Variants in TMEM108 observed in about 807,000 individuals in gnomAD.
TMEM108 encodes cancer/testis antigen 124.
In TMEM108, 12 loss-of-function variants were observed where a neutral mutation model predicts 35.1. That is an observed-to-expected ratio of 0.34 (90% CI 0.22 to 0.55). The LOEUF is 0.55. Ranked by LOEUF, TMEM108 falls within the 20% of genes least tolerant of loss-of-function variation. TMEM108 has a pLI of 0.89. For synonymous variants in TMEM108, 287 were observed against 308.6 expected, an observed-to-expected ratio of 0.93 and a Z score of 0.73; for missense variants, 680 against 753.3, an observed-to-expected ratio of 0.90 and a Z score of 1.14.
intron 2 of TMEM108, among the ~76,000 whole-genome samples, chr3:133,105,921 G>C (rs780861958): frequency 1.6e-4 from 25 of 152,284 alleles, no homozygotes; most frequent in Non-Finnish European, 2.8e-4. Flanking sequence ...AGGTCTCCCG[G>C]TCTCTTAGGG....
At chr3:133,073,944 C>T (rs1483887530) in intron 2 of TMEM108, among the ~76,000 whole-genome samples, 1 of 151,824 alleles carries the variant, frequency 6.6e-6, no homozygotes. Flanking sequence ...AAAATATGGT[C>T]ATTTGTATGT....
intron 3 of TMEM108, among the ~76,000 whole-genome samples, chr3:133,289,879 TC>T (rs1947038202): frequency 6.6e-6 from 1 of 152,164 alleles, no homozygotes; most frequent in African/African-American, 2.4e-5. Context: ...ACATGGACCA[TC>T]CAAGTATTTG....
In TMEM108 at chr3:133,380,703, A is replaced by G. The variant is rs2072986066; in HGVS notation, c.992A>G (p.His331Arg). Residue 331 changes from histidine to arginine, a missense_variant, in exon 4 of 6, where the codon CAT becomes CGT. Around this residue, in one of 3 missense-constraint regions of TMEM108, gnomAD observed 526 missense variants for 532.1 expected, o/e 0.99. Coordinates refer to ENST00000321871, the MANE Select transcript of TMEM108 (RefSeq NM_023943.4). This position sits in a 1 kb window ranked among gnomAD's most constrained non-coding sequence, Gnocchi z 5.3. ...GGTGACCCACAGGATGGCCCCAGCC[A>G]TAGTGACTCTTGGCTTACTGTTACC... ...HHGDPQDGPSHSDSWLTVTPG... is the reference protein window; with the variant it reads ...HHGDPQDGPSRSDSWLTVTPG... 1 of 1,614,174 alleles carries G rather than the reference A, an allele frequency of 6.2e-7. No homozygotes were observed. The highest frequency in any genetic ancestry group is 2.2e-5 in the East Asian group (1 of 44,884).
Position 133,385,527 on chromosome 3 carries a change from A to G in TMEM108, c.1450+4366A>G, listed in dbSNP as rs1371367242. On this transcript the variant is annotated intron_variant, in intron 4 of 5. Transcript: ENST00000321871. ...AGGCCTCCCTGTGACCTCCTCCCTC[A>G]GCCTCCAAAGGAGGGAAATGGCTGT... 3.3e-5 allele frequency among the ~76,000 whole-genome samples: 5 copies of G among 152,296 alleles called. 1 individual carries two copies. The highest frequency in any genetic ancestry group is 1.2e-4 in the African/African-American group (5 of 41,560).
At chr3:133,040,625 G>A (rs1044790582) in intron 1 of TMEM108, among the ~76,000 whole-genome samples, 4 of 152,078 alleles carry the variant, frequency 2.6e-5, no homozygotes, top group Non-Finnish European at 5.9e-5. Context: ...TCCATAAACC[G>A]CAAAGGGTAT....
intron 3 of TMEM108, among the ~76,000 whole-genome samples, chr3:133,260,063 C>G (rs969834868): frequency 2.6e-5 from 4 of 152,210 alleles, no homozygotes; most frequent in Admixed American, 2.6e-4. Flanking sequence ...ACCAGTTCAT[C>G]TGCACCTTGA....
intron 2 of TMEM108, among the ~76,000 whole-genome samples, chr3:133,186,460 G>A (rs1010575073): frequency 6.6e-6 from 1 of 152,152 alleles, no homozygotes; most frequent in Admixed American, 6.5e-5. Flanking sequence ...ATGTAAACTG[G>A]TTTTAAAAGG....
chr3:133,362,293 G>A (rs973324145), intron 3 of TMEM108, among the ~76,000 whole-genome samples: 1 of 152,162 alleles, frequency 6.6e-6, no homozygotes, highest in African/African-American at 2.4e-5. Flanking sequence ...GGTTGTGGGT[G>A]GGGTGAAAAA....
At position 133,342,544 on chromosome 3, in the gene TMEM108, G is replaced by GATATATATATATA. The variant is rs2071688329; in HGVS notation, c.41-37208_41-37207insATATATATATATA. ...TAAAAAAGTTAAAAAAGAAAATGTG[G>GATATATATATATA]TATATATATATACACACACACACAC... On this transcript the variant is annotated intron_variant, in intron 3 of 5. Coordinates refer to ENST00000321871, the MANE Select transcript of TMEM108 (RefSeq NM_023943.4). 6.9e-4 allele frequency among the ~76,000 whole-genome samples: 32 copies of GATATATATATATA among 46,660 alleles called. 1 individual carries two copies. The highest frequency in any genetic ancestry group is 2.8e-3 in the African/African-American group (31 of 10,942). The allele number at this position is 46,660 out of a possible 152,430, so 30.6% of individuals were successfully genotyped here. A position where few individuals can be genotyped will look rare whatever the true frequency, so the allele number is the denominator to read the frequency against.
intron 3 of TMEM108, among the ~76,000 whole-genome samples, chr3:133,357,331 A>G (rs1305129976): frequency 6.6e-6 from 1 of 152,150 alleles, no homozygotes; most frequent in Admixed American, 6.5e-5. Flanking sequence ...TGTTGGTGGA[A>G]ATGTAAATTA....
At chr3:133,173,468 C>T (rs921178762) in intron 2 of TMEM108, among the ~76,000 whole-genome samples, 1 of 152,192 alleles carries the variant, frequency 6.6e-6, no homozygotes, top group Admixed American at 6.5e-5. Context: ...ACTGGGCACA[C>T]TAGCTGTTAA....
At chr3:133,265,442 A>C (rs1215053798) in intron 3 of TMEM108, among the ~76,000 whole-genome samples, 1 of 152,340 alleles carries the variant, frequency 6.6e-6, no homozygotes, top group East Asian at 1.9e-4. Context: ...TAGCACTTGC[A>C]GATAAAATAT....
chr3:133,078,686 A>G (rs1477639828), intron 2 of TMEM108, among the ~76,000 whole-genome samples: 1 of 152,226 alleles, frequency 6.6e-6, no homozygotes, highest in Non-Finnish European at 1.5e-5. Flanking sequence ...TAACTGGAGG[A>G]GTTTTAAGCT....
intron 4 of TMEM108, among the ~76,000 whole-genome samples, chr3:133,383,350 G>A (rs1378490176): frequency 6.6e-6 from 1 of 152,178 alleles, no homozygotes; most frequent in Non-Finnish European, 1.5e-5. Context: ...GAGTCACCAG[G>A]TGAAGTGATT....
chr3:133,250,094 A>G (rs1946446628), intron 3 of TMEM108, among the ~76,000 whole-genome samples: 1 of 152,186 alleles, frequency 6.6e-6, no homozygotes, highest in Admixed American at 6.5e-5. Flanking sequence ...GTGTCAGTAG[A>G]GTAACATCAA....
intron 2 of TMEM108, among the ~76,000 whole-genome samples, chr3:133,075,958 G>A (rs1943737712): frequency 6.6e-6 from 1 of 152,130 alleles, no homozygotes; most frequent in Non-Finnish European, 1.5e-5. Flanking sequence ...GGCTGAAAGA[G>A]TGAGGAAAGA....
intron 3 of TMEM108, among the ~76,000 whole-genome samples, chr3:133,367,024 C>G (rs921606517): frequency 6.6e-6 from 1 of 152,212 alleles, no homozygotes; most frequent in Non-Finnish European, 1.5e-5. Flanking sequence ...ACTTAGCGCC[C>G]TCCCCCTAAC....
chr3:133,057,433 GTGTATATATATATATA>G (rs1168116609), intron 2 of TMEM108, among the ~76,000 whole-genome samples: 529 of 24,830 alleles, frequency 0.021, 25 homozygotes, highest in African/African-American at 0.044. Flanking sequence ...GTGTGTGTGT[GTGTATATATATATATA>G]TATATATATA....
At chr3:133,153,931 CA>C (rs1944838447) in intron 2 of TMEM108, among the ~76,000 whole-genome samples, 1 of 151,832 alleles carries the variant, frequency 6.6e-6, no homozygotes, top group Non-Finnish European at 1.5e-5. Flanking sequence ...CATGTATTTA[CA>C]AATACAAAAC....
Sources: gnomAD v4.1 joint callset for allele counts (sites outside exome capture counted in the v4.1 genomes callset) on GRCh38, gnomAD v4.1.1 for gene constraint, gnomAD v4.1.1 regional missense constraint, Gnocchi (gnomAD v3.1) non-coding constraint, MANE v1.5 for transcripts, NCBI Gene and HGNC (gene_info 2026-07-23, HGNC 2026-07-21) for gene names.